The following GABRA1 variants were observed in gnomAD, a reference collection of about 807,000 sequenced individuals.
GABRA1 encodes the protein gamma-aminobutyric acid receptor subunit alpha-1.
A neutral mutation model predicts 48.9 loss-of-function variants in GABRA1; 9 were observed. The ratio of observed to expected loss-of-function variants is 0.18; its 90% CI spans 0.11 to 0.32. The LOEUF (loss-of-function observed/expected upper bound fraction) is 0.32. GABRA1 is among the 10% of genes least tolerant of loss of function. The pLI is 1.00. For synonymous variants in GABRA1, 210 were observed against 198.7 expected (o/e 1.06, Z -0.48); for missense variants, 285 against 553.8 (o/e 0.51, Z 4.87).
At chr5:161,852,218 C>A (rs1757472236) in intron 2 of GABRA1, among the ~76,000 whole-genome samples, 1 of 151,810 alleles carries the variant, frequency 6.6e-6, no homozygotes, top group Non-Finnish European at 1.5e-5. Flanking sequence ...CCAATGCAAA[C>A]AATTGGTGAA....
In GABRA1 at chr5:161,849,714, T is replaced by A. The variant is rs535471267; in HGVS notation, c.-15-1082T>A. On this transcript the variant is annotated intron_variant, in intron 1 of 9. Transcript: ENST00000393943. The stretch of plus-strand genomic sequence containing the variant: ...ACTTACCCTACAAAGAAATATAGAT[T>A]AAATACTTTGAACATTCCTTATATT... Among the ~76,000 whole-genome samples the A allele has an allele frequency of 6.1e-4, 93 of 152,346 alleles. No individual in the cohort carries two copies. The Middle Eastern group carries it at 0.01, about 17-fold the overall frequency.
chr5:161,854,320 A>G (rs1561565128), intron 3 of GABRA1, 50 bp downstream of exon 3: 2 of 928,846 alleles, frequency 2.2e-6, no homozygotes, highest in Non-Finnish European at 3.6e-6. Flanking sequence ...TGAGATCTTT[A>G]CTATCACAGC....
At chr5:161,867,272 T>C (rs188981738) in intron 4 of GABRA1, among the ~76,000 whole-genome samples, 81 of 152,284 alleles carry the variant, frequency 5.3e-4, no homozygotes, top group African/African-American at 1.8e-3. Context: ...GGTACTTTTA[T>C]AGTTAAGAAT....
intron 8 of GABRA1, among the ~76,000 whole-genome samples, chr5:161,892,534 A>G (rs1755139984): frequency 6.6e-6 from 1 of 152,230 alleles, no homozygotes. Context: ...GCTGCAGAAC[A>G]AAAGAGCAGT....
chr5:161,883,249 C>G (rs12656701), intron 7 of GABRA1, among the ~76,000 whole-genome samples: 8,619 of 152,168 alleles, frequency 0.057, 317 homozygotes, highest in South Asian at 0.12. Flanking sequence ...GTATCTCTAA[C>G]CAAGCATCTT....
intron 7 of GABRA1, among the ~76,000 whole-genome samples, chr5:161,884,687 T>C (rs1021301938): frequency 6.6e-6 from 1 of 152,172 alleles, no homozygotes; most frequent in East Asian, 1.9e-4. Context: ...ACTCTTCATC[T>C]ATTTTTGTTA....
chr5:161,865,977 G>C (rs998076802), intron 4 of GABRA1, among the ~76,000 whole-genome samples, 189 bp downstream of exon 4: 1 of 151,930 alleles, frequency 6.6e-6, no homozygotes, highest in Non-Finnish European at 1.5e-5. Flanking sequence ...TTGCATTCCA[G>C]ATCAGACCTA....
At chr5:161,862,619 T>C (rs2113342361) in intron 3 of GABRA1, among the ~76,000 whole-genome samples, 1 of 152,086 alleles carries the variant, frequency 6.6e-6, no homozygotes, top group Non-Finnish European at 1.5e-5. Flanking sequence ...ATGTTTTTCC[T>C]AAAGTAAGTA....
chr5:161,872,791 A>G (rs974179960), intron 4 of GABRA1, among the ~76,000 whole-genome samples: 3 of 152,072 alleles, frequency 2.0e-5, no homozygotes, highest in Non-Finnish European at 4.4e-5. Flanking sequence ...TAAAATTGTG[A>G]TATATTCTAT....
chr5:161,883,670 G>A (rs1478132734), intron 7 of GABRA1, among the ~76,000 whole-genome samples: 2 of 151,984 alleles, frequency 1.3e-5, no homozygotes, highest in Non-Finnish European at 2.9e-5. Context: ...AAGGAAATAC[G>A]ATTTAGTAGT....
In GABRA1 at chr5:161,897,504, T is replaced by C; in HGVS notation, c.*82T>C. ...TCAACGCAGTAATTCCCATCTGCTT[T>C]ATTGCCTCTGTCTTAAAGAATTTGA... On this transcript the variant is annotated 3_prime_UTR_variant, in exon 10 of 10. Coordinates refer to ENST00000393943, the MANE Select transcript of GABRA1 (RefSeq NM_001127644.2). The C allele has an allele frequency of 7.9e-7, 1 of 1,259,934 alleles. No homozygotes were observed. Among genetic ancestry groups the C allele is most frequent in the African/African-American group, 1.5e-5 (1 of 67,800 alleles). 78.0% of individuals were successfully genotyped at this position (1,259,934 alleles called of 1,614,324 possible).
At chr5:161,877,932 T>G (rs957167617) in intron 6 of GABRA1, among the ~76,000 whole-genome samples, 2 of 152,158 alleles carry the variant, frequency 1.3e-5, no homozygotes, top group Non-Finnish European at 2.9e-5. Context: ...CTGATGACCT[T>G]ATCGAAATTT....
At chr5:161,852,269 A>C (rs991387682) in intron 2 of GABRA1, among the ~76,000 whole-genome samples, 6 of 152,244 alleles carry the variant, frequency 3.9e-5, no homozygotes, top group Admixed American at 3.3e-4. Context: ...GCATTTTCTG[A>C]ATTTTATATA....
At chr5:161,848,508 G>T (rs1368802121) in intron 1 of GABRA1, 86 bp downstream of exon 1, 2 of 90,986 alleles carry the variant, frequency 2.2e-5, no homozygotes, top group African/African-American at 1.1e-4. Flanking sequence ...TTATAGTCGG[G>T]GGGGGGGGGC....
chr5:161,877,953 T>C (rs181709643), intron 6 of GABRA1, among the ~76,000 whole-genome samples: 32 of 152,294 alleles, frequency 2.1e-4, no homozygotes, highest in Admixed American at 1.7e-3. Flanking sequence ...GCTTACAGTC[T>C]CACCAGTCTT....
intron 8 of GABRA1, among the ~76,000 whole-genome samples, chr5:161,892,670 A>AAAACAAACAAACAAACAAACAAAC (rs3078109): frequency 1.3e-5 from 2 of 150,750 alleles, no homozygotes; most frequent in African/African-American, 4.9e-5. Flanking sequence ...CTAGGAAATT[A>AAAACAAACAAACAAACAAACAAAC]AAACAAACAA....
intron 7 of GABRA1, among the ~76,000 whole-genome samples, chr5:161,886,637 A>G (rs752082366): frequency 6.6e-6 from 1 of 151,932 alleles, no homozygotes; most frequent in Non-Finnish European, 1.5e-5. Context: ...TTAGCTGGCC[A>G]TGGTGTTGCA....
Position 161,891,724 on chromosome 5 carries a change from C to T in GABRA1, c.856+674C>T, listed in dbSNP as rs148053397. Among the ~76,000 whole-genome samples, 590 of 152,094 alleles carry T rather than the reference C, an allele frequency of 3.9e-3. 4 individuals are homozygous for T. Among genetic ancestry groups the T allele is most frequent in the African/African-American group, 0.013 (558 of 41,492 alleles). On this transcript the variant is annotated intron_variant, in intron 8 of 9. Coordinates refer to ENST00000393943, the MANE Select transcript of GABRA1 (RefSeq NM_001127644.2). ...TAAAAAGGTATTTCCTGCCTATATCCCCGTATACTATTTCAACTGTATTTT... is the reference window on the plus strand; with the variant it reads ...TAAAAAGGTATTTCCTGCCTATATCTCCGTATACTATTTCAACTGTATTTT...
rs536360261 is a variant in GABRA1 at position 161,857,891 on chromosome 5, A to G, written c.187+3621A>G. On this transcript the variant is annotated intron_variant, in intron 3 of 9. Transcript: ENST00000393943. ...AACTAGAAGCTGAGCAATGTATTTG[A>G]AAGAACTCTTACCTAAAGCATGGTC... 9.9e-5 allele frequency among the ~76,000 whole-genome samples: 15 copies of G among 151,570 alleles called. No individual in the cohort carries two copies. In the South Asian group the frequency reaches 2.9e-3, roughly 29 times the overall value.
Sources: allele counts gnomAD v4.1 joint callset (sites outside exome capture counted in the v4.1 genomes callset), GRCh38; gene constraint gnomAD v4.1.1; transcripts MANE v1.5; gene names NCBI Gene and HGNC (gene_info 2026-07-23, HGNC 2026-07-21).